GRID2: variants seen among roughly 807,000 people sequenced by gnomAD.
GRID2 encodes the protein glutamate ionotropic receptor delta type subunit 2, also known as glutamate receptor ionotropic, delta-2.
Under a neutral mutation model 114.8 loss-of-function variants are expected in GRID2, and 33 were observed. The ratio of observed to expected loss-of-function variants is 0.29; its 90% CI spans 0.22 to 0.38. The LOEUF (loss-of-function observed/expected upper bound fraction) is 0.38. GRID2 is among the 10% of genes least tolerant of loss of function. The pLI, the probability that GRID2 is intolerant of heterozygous loss-of-function variation, is 1.00. For missense variants in GRID2, 1,184 were observed against 1,257.7 expected, an observed-to-expected ratio of 0.94 and a Z score of 0.89; for synonymous variants, 505 against 449.9, an observed-to-expected ratio of 1.12 and a Z score of -1.55.
At chr4:93,419,844 C>A (rs1768088953) in intron 9 of GRID2, among the ~76,000 whole-genome samples, 1 of 151,936 alleles carries the variant, frequency 6.6e-6, no homozygotes, top group Admixed American at 6.6e-5. Flanking sequence ...ATTTAGTACA[C>A]TAAATAATTG....
intron 1 of GRID2, among the ~76,000 whole-genome samples, chr4:92,446,306 C>T (rs1047015377): frequency 1.3e-5 from 2 of 152,110 alleles, no homozygotes; most frequent in African/African-American, 4.8e-5. Context: ...CAAATTGAGA[C>T]CCTAACAAAT....
chr4:93,547,703 C>T (rs549846772), intron 13 of GRID2, among the ~76,000 whole-genome samples: 1 of 152,304 alleles, frequency 6.6e-6, no homozygotes, highest in Admixed American at 6.5e-5. Flanking sequence ...CAGACTCTTA[C>T]ATCCAGAAAG....
intron 4 of GRID2, among the ~76,000 whole-genome samples, chr4:93,122,915 TG>T (rs1352589763): frequency 7.0e-6 from 1 of 141,922 alleles, no homozygotes; most frequent in Non-Finnish European, 1.5e-5. Flanking sequence ...TTTTTTTTGA[TG>T]AGAAAGTCTT....
At chr4:93,301,743 A>T (rs1754893187) in intron 8 of GRID2, among the ~76,000 whole-genome samples, 1 of 152,184 alleles carries the variant, frequency 6.6e-6, no homozygotes, top group African/African-American at 2.4e-5. Context: ...TAATATATTT[A>T]CAATGTCTCA....
intron 2 of GRID2, chr4:92,822,442 T>C (rs1741354045): frequency 4.0e-6 from 2 of 504,156 alleles, no homozygotes; most frequent in Non-Finnish European, 3.9e-6. Context: ...GGTGATAGTG[T>C]TGCTGCCGTT....
At chr4:93,108,755 C>A (rs977937648) in intron 3 of GRID2, among the ~76,000 whole-genome samples, 41 of 152,056 alleles carry the variant, frequency 2.7e-4, no homozygotes, top group African/African-American at 7.7e-4. Flanking sequence ...CTCAGCCTCC[C>A]AAGTGGCTGG....
chr4:93,598,725 A>G (rs1199034835), intron 13 of GRID2, among the ~76,000 whole-genome samples: 1 of 152,190 alleles, frequency 6.6e-6, no homozygotes, highest in African/African-American at 2.4e-5. Flanking sequence ...GCACCTCTAG[A>G]TGCAAACTAA....
intron 8 of GRID2, among the ~76,000 whole-genome samples, chr4:93,356,858 A>T (rs1483925154): frequency 6.6e-6 from 1 of 151,820 alleles, no homozygotes; most frequent in East Asian, 1.9e-4. Context: ...TTTATGTACA[A>T]GCATTTTGGA....
At position 92,935,654 on chromosome 4, in the gene GRID2, G is replaced by C. The variant is rs561342268; in HGVS notation, c.245-149341G>C. 2.9e-4 allele frequency among the ~76,000 whole-genome samples: 43 copies of C among 146,938 alleles called. 5 individuals are homozygous for C. In the South Asian group the frequency reaches 9.9e-3, roughly 34 times the overall value. ...CCCACCCAAATGTCCAACAATGATA[G>C]ACTGGATTAAGAAAATGTGGCACAT... On this transcript the variant is annotated intron_variant, in intron 2 of 15. Coordinates refer to ENST00000282020, the MANE Select transcript of GRID2 (RefSeq NM_001510.4).
intron 1 of GRID2, among the ~76,000 whole-genome samples, chr4:92,534,923 C>T (rs1725538577): frequency 6.6e-6 from 1 of 152,022 alleles, no homozygotes; most frequent in Non-Finnish European, 1.5e-5. Flanking sequence ...ATATCTTGAG[C>T]CCCCAGTGAT....
At chr4:93,179,444 C>A (rs536212117) in intron 4 of GRID2, among the ~76,000 whole-genome samples, 82 of 152,204 alleles carry the variant, frequency 5.4e-4, no homozygotes, top group African/African-American at 1.9e-3. Context: ...GGAGTAAGTA[C>A]TATTATAGAT....
intron 13 of GRID2, among the ~76,000 whole-genome samples, chr4:93,621,812 C>G (rs1742237688): frequency 6.6e-6 from 1 of 152,140 alleles, no homozygotes; most frequent in African/African-American, 2.4e-5. Flanking sequence ...AGGCTATAAT[C>G]ACACTGTTTT....
At chr4:92,790,108 A>G (rs1428673312) in intron 2 of GRID2, among the ~76,000 whole-genome samples, 1 of 151,850 alleles carries the variant, frequency 6.6e-6, no homozygotes, top group Non-Finnish European at 1.5e-5. Flanking sequence ...GTATATATGT[A>G]TGTGCGTATG....
chr4:93,561,071 T>C (rs963915908), intron 13 of GRID2, among the ~76,000 whole-genome samples: 1 of 152,116 alleles, frequency 6.6e-6, no homozygotes, highest in Admixed American at 6.6e-5. Flanking sequence ...ATTTTTTAAA[T>C]GATATGATGT....
At chr4:92,959,607 A>G (rs1190321934) in intron 2 of GRID2, among the ~76,000 whole-genome samples, 1 of 152,074 alleles carries the variant, frequency 6.6e-6, no homozygotes, top group Non-Finnish European at 1.5e-5. Flanking sequence ...AACCAACCCA[A>G]ATGCCCATCA....
intron 2 of GRID2, among the ~76,000 whole-genome samples, chr4:92,683,673 TA>T (rs570322735): frequency 5.5e-4 from 83 of 151,204 alleles, no homozygotes; most frequent in South Asian, 4.4e-3. Flanking sequence ...TATTTTATAT[TA>T]AAAAAATACA....
chr4:93,591,163 G>C (rs1404456574), intron 13 of GRID2, among the ~76,000 whole-genome samples: 1 of 146,998 alleles, frequency 6.8e-6, no homozygotes, highest in Non-Finnish European at 1.5e-5. Flanking sequence ...TCCAGTTTTT[G>C]CCCATTCAGT....
chr4:92,377,884 A>G (rs992207014), intron 1 of GRID2, among the ~76,000 whole-genome samples: 1 of 152,158 alleles, frequency 6.6e-6, no homozygotes, highest in Non-Finnish European at 1.5e-5. Flanking sequence ...CCCTTCCACA[A>G]CATGTGTGAC....
At chr4:92,846,483 C>T (rs1743335993) in intron 2 of GRID2, among the ~76,000 whole-genome samples, 2 of 152,080 alleles carry the variant, frequency 1.3e-5, no homozygotes, top group African/African-American at 2.4e-5. Flanking sequence ...ATTCATGTTG[C>T]TACAAAGACA....
Sources: gnomAD v4.1 joint callset for allele counts (sites outside exome capture counted in the v4.1 genomes callset) on GRCh38, gnomAD v4.1.1 for gene constraint, MANE v1.5 for transcripts, NCBI Gene and HGNC (gene_info 2026-07-23, HGNC 2026-07-21) for gene names.